Variants in TSPAN7 observed in about 807,000 individuals in gnomAD.
TSPAN7 encodes the protein tetraspanin 7.
A neutral mutation model predicts 17.6 loss-of-function variants in TSPAN7; 1 was observed. The ratio of observed to expected loss-of-function variants is 0.06; its 90% CI spans 0.02 to 0.27. TSPAN7 has a LOEUF of 0.27. Among genes scored for constraint, TSPAN7 ranks in the 10% least tolerant of loss-of-function variants. The pLI, the probability that TSPAN7 is intolerant of heterozygous loss-of-function variation, is 1.00. For missense variants in TSPAN7, 112 were observed against 201.7 expected (o/e 0.56, Z 2.69); for synonymous variants, 78 against 79.0 (o/e 0.99, Z 0.07).
chrX:38,588,368 G>T (rs966075080), intron 1 of TSPAN7, among the ~76,000 whole-genome samples: 9 of 111,289 alleles, frequency 8.1e-5, no homozygotes, highest in African/African-American at 2.9e-4. Context: ...TAATACTATA[G>T]GCTATGGCTC....
chrX:38,583,949 CTTTTTTTTTTTTT>C (rs34777484), intron 1 of TSPAN7, among the ~76,000 whole-genome samples: 4 of 66,974 alleles, frequency 6.0e-5, no homozygotes, highest in African/African-American at 2.5e-4. Flanking sequence ...TTTTTCTTTT[CTTTTTTTTTTTTT>C]TTTTTTTTTG....
intron 1 of TSPAN7, among the ~76,000 whole-genome samples, chrX:38,588,441 G>C (rs1456571679): frequency 9.0e-6 from 1 of 111,542 alleles, no homozygotes; most frequent in Non-Finnish European, 1.9e-5. Context: ...ACTATCAACA[G>C]TGCTGAAATG....
At chrX:38,609,239 C>A (rs1417142502) in intron 1 of TSPAN7, among the ~76,000 whole-genome samples, 2 of 111,645 alleles carry the variant, frequency 1.8e-5, no homozygotes, top group Non-Finnish European at 3.8e-5. Flanking sequence ...AAAGCATTGG[C>A]AAGCTGAATG....
intron 1 of TSPAN7, among the ~76,000 whole-genome samples, chrX:38,625,331 C>T (rs1057002807): frequency 8.1e-5 from 9 of 111,461 alleles, no homozygotes; most frequent in Non-Finnish European, 1.5e-4. Context: ...TCACCAAATC[C>T]CATTCCATCT....
rs775396254 is a variant in TSPAN7 at position 38,627,398 on chromosome X, C to T, written c.82-38723C>T. Among the ~76,000 whole-genome samples, 171 of 112,087 alleles carry T rather than the reference C, an allele frequency of 1.5e-3. 2 individuals carry two copies. The Admixed American group carries it at 0.016, about 10-fold the overall frequency. On this transcript the variant is annotated intron_variant, in intron 1 of 7. Coordinates refer to ENST00000378482, the MANE Select transcript of TSPAN7 (RefSeq NM_004615.4). Reference sequence around the variant, plus strand: ...GAAACTGATCCACTTACCCTCTTGGCCTTAGTTTCTGCATATGTAAATGGA... The same window carrying T: ...GAAACTGATCCACTTACCCTCTTGGTCTTAGTTTCTGCATATGTAAATGGA...
intron 1 of TSPAN7, among the ~76,000 whole-genome samples, chrX:38,652,526 TC>T (rs959665083): frequency 6.2e-5 from 7 of 112,605 alleles, no homozygotes; most frequent in Middle Eastern, 4.6e-3. Context: ...CCTATAACTT[TC>T]CCTAATACTG....
At chrX:38,622,961 A>G (rs750666134) in intron 1 of TSPAN7, 1 of 330,230 alleles carries the variant, frequency 3.0e-6, no homozygotes, top group African/African-American at 2.6e-5. Flanking sequence ...AACAAGTAAT[A>G]TGGTATGGAA....
intron 2 of TSPAN7, among the ~76,000 whole-genome samples, chrX:38,670,686 TTGTAAC>T (rs919331121): frequency 3.6e-5 from 4 of 112,333 alleles, no homozygotes; most frequent in Non-Finnish European, 7.5e-5. Context: ...TGAAGCAGTT[TTGTAAC>T]TGTTTCATCT....
intron 1 of TSPAN7, among the ~76,000 whole-genome samples, chrX:38,626,572 G>A (rs770597083): frequency 1.8e-5 from 2 of 111,012 alleles, no homozygotes; most frequent in South Asian, 7.6e-4. Flanking sequence ...TAGGAGAAAG[G>A]GCCACAAAAG....
At chrX:38,622,253 G>C (rs755349494) in intron 1 of TSPAN7, among the ~76,000 whole-genome samples, 7 of 112,581 alleles carry the variant, frequency 6.2e-5, no homozygotes, top group Non-Finnish European at 1.3e-4. Context: ...AATATCCTTG[G>C]CTCTAAATAA....
At chrX:38,605,532 A>C (rs2069375313) in intron 1 of TSPAN7, among the ~76,000 whole-genome samples, 1 of 107,383 alleles carries the variant, frequency 9.3e-6, no homozygotes, top group Non-Finnish European at 1.9e-5. Context: ...GCTACCAATG[A>C]CTTTCTTCAC....
At chrX:38,601,306 G>A (rs2069345616) in intron 1 of TSPAN7, among the ~76,000 whole-genome samples, 2 of 111,440 alleles carry the variant, frequency 1.8e-5, no homozygotes, top group Middle Eastern at 4.6e-3. Flanking sequence ...GCTCAAACAA[G>A]AGTCAAGGGA....
chrX:38,673,085 C>G (rs182096019), intron 3 of TSPAN7, among the ~76,000 whole-genome samples: 1 of 111,961 alleles, frequency 8.9e-6, no homozygotes, highest in East Asian at 2.8e-4. Flanking sequence ...GTATCTCTAT[C>G]TCTTGTAACT....
At chrX:38,685,310 G>A (rs1208679484) in intron 6 of TSPAN7, among the ~76,000 whole-genome samples, 1 of 111,707 alleles carries the variant, frequency 9.0e-6, no homozygotes, top group African/African-American at 3.3e-5. Flanking sequence ...TTGTAATATT[G>A]TACAGGTTGT....
intron 1 of TSPAN7, among the ~76,000 whole-genome samples, chrX:38,665,162 C>T (rs190422616): frequency 1.2e-3 from 133 of 112,078 alleles, no homozygotes; most frequent in African/African-American, 4.2e-3. Context: ...GGATCCAAGG[C>T]ATTTGGTATG....
At chrX:38,600,476 G>A (rs1308214868) in intron 1 of TSPAN7, among the ~76,000 whole-genome samples, 2 of 111,471 alleles carry the variant, frequency 1.8e-5, no homozygotes, top group African/African-American at 3.3e-5. Context: ...CACTTCTTTG[G>A]CCCTTTGTTC....
At chrX:38,668,548 G>A (rs1237509836) in intron 2 of TSPAN7, among the ~76,000 whole-genome samples, 1 of 111,930 alleles carries the variant, frequency 8.9e-6, no homozygotes, top group Admixed American at 9.5e-5. Flanking sequence ...TGTAAGATCA[G>A]GCAGTTATTA....
intron 1 of TSPAN7, 107 bp downstream of exon 1, chrX:38,561,734 G>A: frequency 2.9e-6 from 2 of 688,402 alleles, no homozygotes; most frequent in Non-Finnish European, 4.3e-6. Flanking sequence ...AATCAAATCT[G>A]GGACCCCTCT....
intron 1 of TSPAN7, among the ~76,000 whole-genome samples, chrX:38,643,675 A>C (rs1400590075): frequency 1.0e-5 from 1 of 97,950 alleles, no homozygotes; most frequent in African/African-American, 3.8e-5. Flanking sequence ...TCTCTACCAA[A>C]AAAAAAAAAA....
Sources: allele counts gnomAD v4.1 joint callset (sites outside exome capture counted in the v4.1 genomes callset), GRCh38; gene constraint gnomAD v4.1.1; transcripts MANE v1.5; gene names NCBI Gene and HGNC (gene_info 2026-07-23, HGNC 2026-07-21).